UMAD1: variants seen among roughly 807,000 people sequenced by gnomAD.
The protein encoded by UMAD1 is UBAP1-MVB12-associated (UMA)-domain containing protein 1.
UMAD1 carries 8 observed loss-of-function variants against 6.1 expected under a neutral mutation model. That is an observed-to-expected ratio of 1.30 (90% CI 0.76 to 2.35). The LOEUF is 2.35. Among genes scored for constraint, UMAD1 ranks in the 30% most tolerant of loss-of-function variants. The probability of loss-of-function intolerance (pLI) is 0.00; values close to 1 mark genes in which losing one functional copy is unlikely to be tolerated. For synonymous variants in UMAD1, 56 were observed against 31.4 expected, an observed-to-expected ratio of 1.78 and a Z score of -2.61; for missense variants, 130 against 78.4, an observed-to-expected ratio of 1.66 and a Z score of -2.49.
rs532938339 is a variant in UMAD1 at position 7,711,441 on chromosome 7, C to T, written c.82+37988C>T. 2.6e-5 allele frequency among the ~76,000 whole-genome samples: 4 copies of T among 152,218 alleles called. No individual in the cohort carries two copies. In the East Asian group the frequency reaches 5.8e-4, roughly 22 times the overall value. On this transcript the variant is annotated intron_variant, in intron 2 of 3. Transcript: ENST00000682710. ...CCCAAGTGGTATATGAAAATTCTATCCTTTTCATATTATACTCTATCCTTT... is the reference window on the plus strand; with the variant it reads ...CCCAAGTGGTATATGAAAATTCTATTCTTTTCATATTATACTCTATCCTTT...
At chr7:7,652,545 A>G (rs534351896) in intron 1 of UMAD1, among the ~76,000 whole-genome samples, 14 of 152,350 alleles carry the variant, frequency 9.2e-5, no homozygotes, top group African/African-American at 2.2e-4. Flanking sequence ...CTGGTTTTAT[A>G]CAGGACTTAG....
chr7:7,821,521 T>G (rs1330318928), intron 3 of UMAD1, among the ~76,000 whole-genome samples: 2 of 152,190 alleles, frequency 1.3e-5, no homozygotes, highest in African/African-American at 4.8e-5. Flanking sequence ...ATTTAAAAAT[T>G]CTTAATATGT....
chr7:7,841,907 A>T (rs1783688890), intron 3 of UMAD1, among the ~76,000 whole-genome samples: 2 of 152,194 alleles, frequency 1.3e-5, no homozygotes, highest in South Asian at 4.1e-4. Flanking sequence ...ATTATAAATG[A>T]ATAAAAGATC....
At chr7:7,862,398 T>G (rs1219171992) in intron 3 of UMAD1, among the ~76,000 whole-genome samples, 1 of 152,222 alleles carries the variant, frequency 6.6e-6, no homozygotes, top group Non-Finnish European at 1.5e-5. Context: ...TTTCTCATTG[T>G]TTTCCTTTTA....
intron 2 of UMAD1, among the ~76,000 whole-genome samples, chr7:7,677,527 T>G (rs1779772815): frequency 6.6e-6 from 1 of 152,154 alleles, no homozygotes; most frequent in Admixed American, 6.6e-5. Context: ...TGTGCCTGCT[T>G]TATTTCACTT....
At chr7:7,756,363 A>T (rs1192032551) in intron 2 of UMAD1, among the ~76,000 whole-genome samples, 3 of 152,200 alleles carry the variant, frequency 2.0e-5, no homozygotes, top group Admixed American at 2.0e-4. Context: ...ATTATTTATG[A>T]AGAAAGTGAC....
intron 3 of UMAD1, among the ~76,000 whole-genome samples, chr7:7,873,409 T>C (rs1363739122): frequency 2.6e-5 from 4 of 152,150 alleles, no homozygotes; most frequent in African/African-American, 9.7e-5. Context: ...AATAGAATGG[T>C]GGTGTCATTA....
At chr7:7,696,635 C>G (rs1431455250) in intron 2 of UMAD1, among the ~76,000 whole-genome samples, 3 of 151,968 alleles carry the variant, frequency 2.0e-5, no homozygotes, top group Admixed American at 2.0e-4. Context: ...TTGCCAGTAG[C>G]TCTCCCTCAT....
intron 3 of UMAD1, among the ~76,000 whole-genome samples, chr7:7,876,349 A>G (rs529395966): frequency 6.6e-6 from 1 of 152,336 alleles, no homozygotes; most frequent in South Asian, 2.1e-4. Flanking sequence ...ACCTGGAGCC[A>G]GATGGCGAAG....
chr7:7,821,173 T>TC (rs1173147711), intron 3 of UMAD1, among the ~76,000 whole-genome samples: 1 of 151,906 alleles, frequency 6.6e-6, no homozygotes, highest in Non-Finnish European at 1.5e-5. Context: ...AACAAAGCTT[T>TC]CCCCCCACCC....
intron 3 of UMAD1, among the ~76,000 whole-genome samples, chr7:7,804,055 C>A (rs996107640): frequency 1.3e-5 from 2 of 152,196 alleles, no homozygotes; most frequent in African/African-American, 4.8e-5. Flanking sequence ...ACTTTCTAGT[C>A]TCTCTATTAA....
intron 2 of UMAD1, among the ~76,000 whole-genome samples, chr7:7,775,679 A>T (rs1782191420): frequency 6.6e-6 from 1 of 152,218 alleles, no homozygotes; most frequent in South Asian, 2.1e-4. Flanking sequence ...ATATGGAGAA[A>T]TTGGAATTGC....
intron 2 of UMAD1, among the ~76,000 whole-genome samples, chr7:7,797,801 G>T (rs1387922061): frequency 6.6e-6 from 1 of 151,392 alleles, no homozygotes; most frequent in Admixed American, 6.6e-5. Context: ...CAAATCTCCT[G>T]CCTCAGCCTC....
At chr7:7,709,901 C>G (rs1411161324) in intron 2 of UMAD1, among the ~76,000 whole-genome samples, 1 of 151,998 alleles carries the variant, frequency 6.6e-6, no homozygotes, top group East Asian at 1.9e-4. Flanking sequence ...TAAGTCTTCT[C>G]CTTACTCCCA....
intron 2 of UMAD1, among the ~76,000 whole-genome samples, chr7:7,700,078 T>C (rs1780420365): frequency 6.6e-6 from 1 of 152,236 alleles, no homozygotes; most frequent in Admixed American, 6.5e-5. Context: ...CAGTCTGGGC[T>C]CCTTTAACAA....
At chr7:7,763,692 C>CATGG (rs1224551449) in intron 2 of UMAD1, among the ~76,000 whole-genome samples, 1 of 152,180 alleles carries the variant, frequency 6.6e-6, no homozygotes, top group African/African-American at 2.4e-5. Context: ...GCCTGACCAA[C>CATGG]ATGGAGAAAC....
chr7:7,673,310 T>TAGCAGCAGCAGCAGCAGCAGC lies in UMAD1; in HGVS notation c.-21_-1dup. On this transcript the variant is annotated splice_region_variant and 5_prime_UTR_variant, in exon 2 of 4. Transcript: ENST00000682710. ...CATTGTGTAATGTTTCTATTTCAGG[T>TAGCAGCAGCAGCAGCAGCAGC]AGCAGCAGCAGCAGCAGCAGCAGCA... 283 of 1,033,864 alleles carry TAGCAGCAGCAGCAGCAGCAGC rather than the reference T, an allele frequency of 2.7e-4. No homozygotes were observed. Among genetic ancestry groups the TAGCAGCAGCAGCAGCAGCAGC allele is most frequent in the Middle Eastern group, 8.1e-4 (4 of 4,926 alleles). 64.0% of individuals were successfully genotyped at this position (1,033,864 alleles called of 1,614,324 possible). A position where few individuals can be genotyped will look rare whatever the true frequency, so the allele number is the denominator to read the frequency against.
chr7:7,730,697 AAAAAC>A (rs554041464), intron 2 of UMAD1, among the ~76,000 whole-genome samples: 1 of 152,220 alleles, frequency 6.6e-6, no homozygotes, highest in African/African-American at 2.4e-5. Context: ...CATTTCTCTT[AAAAAC>A]AAAACAAAAC....
intron 3 of UMAD1, among the ~76,000 whole-genome samples, chr7:7,834,426 T>C (rs1435309111): frequency 1.3e-5 from 2 of 152,212 alleles, no homozygotes; most frequent in Non-Finnish European, 2.9e-5. Flanking sequence ...CACCATGTCA[T>C]TGGACACTGT....
Sources: allele counts gnomAD v4.1 joint callset (sites outside exome capture counted in the v4.1 genomes callset), GRCh38; gene constraint gnomAD v4.1.1; transcripts MANE v1.5; gene names NCBI Gene and HGNC (gene_info 2026-07-23, HGNC 2026-07-21).